SET: variants seen among roughly 807,000 people sequenced by gnomAD.
SET encodes the protein SET nuclear proto-oncogene.
SET carries 4 observed loss-of-function variants against 39.0 expected under a neutral mutation model. The ratio of observed to expected loss-of-function variants is 0.10; its 90% CI spans 0.05 to 0.23. The LOEUF (loss-of-function observed/expected upper bound fraction) is 0.23, where lower values mean the gene tolerates loss of function less well. Among genes scored for constraint, SET ranks in the 10% least tolerant of loss-of-function variants. SET has a pLI of 1.00. For synonymous variants in SET, 114 were observed against 115.9 expected (o/e 0.98, Z 0.11); for missense variants, 137 against 329.7 (o/e 0.42, Z 4.53).
chr9:128,691,349 G>A (rs1861528743), intron 2 of SET, 122 bp downstream of exon 2: 1 of 686,134 alleles, frequency 1.5e-6, no homozygotes, highest in Non-Finnish European at 2.5e-6. Context: ...AACTTGGTTG[G>A]AAATACTTAT....
Position 128,693,905 on chromosome 9 carries a change from A to G in SET, c.673A>G (p.Met225Val), listed in dbSNP as rs1861632105. 1 of 1,598,836 alleles carries G rather than the reference A, an allele frequency of 6.3e-7. No homozygotes were observed. The highest frequency in any genetic ancestry group is 8.5e-7 in the Non-Finnish European group (1 of 1,171,288). The part of the protein sequence containing the change: ...NPLQYYLVPD[M>V]DDEEGEGEED... The stretch of plus-strand genomic sequence containing the variant: ...CTTTTTTTTTTTTAAGGTTCCCGAT[A>G]TGGATGATGAAGAAGGAGAAGGAGA... The change falls in exon 7 of 8, where the codon ATG (methionine) becomes GTG (valine). Residue 225 changes from methionine to valine, a missense_variant. Around this residue, in one of 3 missense-constraint regions of SET, gnomAD observed 44 missense variants for 63.0 expected, o/e 0.70. Coordinates refer to ENST00000322030, the MANE Select transcript of SET (RefSeq NM_003011.4).
At chr9:128,683,571 G>C, upstream of SET, 1 of 283,058 alleles carries the variant, frequency 3.5e-6, no homozygotes, top group Non-Finnish European at 6.7e-6. Context: ...TAGGCTGCGG[G>C]GGTTTCACGT....
upstream of SET, chr9:128,685,266 C>A (rs1485460503): frequency 7.1e-7 from 1 of 1,415,844 alleles, no homozygotes; most frequent in Admixed American, 1.9e-5. Flanking sequence ...AAATGGGATC[C>A]ACAGTACTGA....
At chr9:128,692,623 C>T (rs1240424321) in intron 3 of SET, 39 bp from the exon 4 acceptor site, 1 of 1,308,046 alleles carries the variant, frequency 7.6e-7, no homozygotes. Context: ...TAGTGTGTGC[C>T]TGTTGAAAAT....
intron 1 of SET, chr9:128,690,968 C>G: frequency 7.9e-6 from 5 of 634,288 alleles, no homozygotes; most frequent in Non-Finnish European, 1.4e-5. Flanking sequence ...CTGAGTAAAC[C>G]AGCAGACAGC....
In SET at chr9:128,696,247, ATG is replaced by A. The variant is rs1392474921; in HGVS notation, c.*1584_*1585del. Reference sequence around the variant, plus strand: ...CTTTTTGATGTATAAAACTTGATAAATGGAACTATTCCATCAATAGGCAAAAG... The same window carrying A: ...CTTTTTGATGTATAAAACTTGATAAAGAACTATTCCATCAATAGGCAAAAG... On this transcript the variant is annotated 3_prime_UTR_variant, in exon 8 of 8. Transcript: ENST00000322030. The A allele has an allele frequency of 8.4e-5, 17 of 203,014 alleles. No homozygotes were observed. Among genetic ancestry groups the A allele is most frequent in the Non-Finnish European group, 9.2e-5 (9 of 97,592 alleles). 12.6% of individuals were successfully genotyped at this position (203,014 alleles called of 1,614,324 possible).
chr9:128,694,610 C>T (rs1214971641), intron 7 of SET, 31 bp from the exon 8 acceptor site: 21 of 1,529,448 alleles, frequency 1.4e-5, no homozygotes, highest in Non-Finnish European at 1.4e-5. Context: ...AGCATTAATC[C>T]TGAAGATTAA....
chr9:128,689,169 G>T, upstream of SET: 1 of 709,326 alleles, frequency 1.4e-6, no homozygotes, highest in Non-Finnish European at 1.7e-6. Flanking sequence ...AGCCTCCCCG[G>T]CCGGAGGCGG....
In SET at chr9:128,689,252, G is replaced by A. The variant is rs1861402202; in HGVS notation, c.-331G>A. Reference sequence around the variant, plus strand: ...GCCGTAGGAGGAGGTGGAGGAGGAGGCGGCTCGGGAGAGCGAGCAGCGAGC... The same window carrying A: ...GCCGTAGGAGGAGGTGGAGGAGGAGACGGCTCGGGAGAGCGAGCAGCGAGC... On this transcript the variant is annotated 5_prime_UTR_variant, in exon 1 of 8. Coordinates refer to ENST00000322030, the MANE Select transcript of SET (RefSeq NM_003011.4). 5.0e-6 allele frequency: 5 copies of A among 1,003,404 alleles called. No individual in the cohort carries two copies. Among genetic ancestry groups the A allele is most frequent in the Non-Finnish European group, 5.9e-6 (5 of 841,128 alleles). 62.2% of individuals were successfully genotyped at this position (1,003,404 alleles called of 1,614,324 possible).
intron 4 of SET, 42 bp downstream of exon 4, chr9:128,692,807 T>A (rs748941077): frequency 5.3e-6 from 8 of 1,523,712 alleles, no homozygotes; most frequent in South Asian, 1.1e-5. Flanking sequence ...CTGTGGAAAT[T>A]AATGTGAGCT....
In SET at chr9:128,689,261, G is replaced by A. The variant is rs1020548956; in HGVS notation, c.-322G>A. 171 of 1,006,446 alleles carry A rather than the reference G, an allele frequency of 1.7e-4. No individual in the cohort carries two copies. The highest frequency in any genetic ancestry group is 1.4e-3 in the Middle Eastern group (3 of 2,084). The allele number at this position is 1,006,446 out of a possible 1,614,324, so 62.3% of individuals were successfully genotyped here. ...GGAGGTGGAGGAGGAGGCGGCTCGG[G>A]AGAGCGAGCAGCGAGCTGGCTGGAT... On this transcript the variant is annotated 5_prime_UTR_variant, in exon 1 of 8. Transcript: ENST00000322030.
At chr9:128,689,724 C>T (rs1417145971) in intron 1 of SET, 69 bp downstream of exon 1, 13 of 290,766 alleles carry the variant, frequency 4.5e-5, no homozygotes, top group South Asian at 2.5e-4. Flanking sequence ...CCGCAGGCCG[C>T]CGGCGGGGCC....
upstream of SET, chr9:128,685,349 G>C: frequency 1.4e-6 from 1 of 718,306 alleles, no homozygotes. Flanking sequence ...CAGTGCTCTA[G>C]AGTGCATTTG....
intron 7 of SET, among the ~76,000 whole-genome samples, 164 bp from the exon 8 acceptor site, chr9:128,694,477 A>AT (rs1372355727): frequency 7.9e-5 from 12 of 152,332 alleles, no homozygotes; most frequent in African/African-American, 2.6e-4. Flanking sequence ...GAAGTTACTA[A>AT]TTAATCTGAA....
At position 128,693,654 on chromosome 9, in the gene SET, C is replaced by T. The variant is rs142648600; in HGVS notation, c.509C>T (p.Ser170Leu). 9 of 1,611,582 alleles carry T rather than the reference C, an allele frequency of 5.6e-6. No individual in the cohort carries two copies. Among genetic ancestry groups the T allele is most frequent in the Admixed American group, 5.1e-5 (3 of 59,332 alleles). ...TTCATTTAGGATTTGACGAAACGTT[C>T]GAGTCAAACGCAGAATAAAGCCAGC... ...WKSGKDLTKRSSQTQNKASRK... is the reference protein window; with the variant it reads ...WKSGKDLTKRLSQTQNKASRK... Residue 170 changes from serine to leucine, a missense_variant, in exon 6 of 8, where the codon TCG becomes TTG. Physicochemically the swap from Ser to Leu is moderately radical, Grantham distance 145. Coordinates refer to ENST00000322030, the MANE Select transcript of SET (RefSeq NM_003011.4).
rs748352799 is a variant in SET at position 128,689,565 on chromosome 9, C to T, written c.-18C>T. ...TCTCTCCCCCTCCCCGCTCCCCCCC[C>T]GACCGCGGAGCAGCACCATGTCGGC... On this transcript the variant is annotated 5_prime_UTR_variant, in exon 1 of 8. Transcript: ENST00000322030. 1.3e-5 allele frequency: 17 copies of T among 1,344,700 alleles called. No homozygotes were observed. In the East Asian group the frequency reaches 5.2e-4, roughly 41 times the overall value. The allele number at this position is 1,344,700 out of a possible 1,614,324, so 83.3% of individuals were successfully genotyped here.
In SET at chr9:128,694,625, C is replaced by G; in HGVS notation, c.811-16C>G. The G allele has an allele frequency of 1.3e-6, 2 of 1,564,378 alleles. No individual in the cohort carries two copies. The highest frequency in any genetic ancestry group is 1.7e-6 in the Non-Finnish European group (2 of 1,147,400). On this transcript the variant is annotated splice_polypyrimidine_tract_variant and intron_variant, in intron 7 of 7. Transcript: ENST00000322030. ...AGCATTAATCCTGAAGATTAACTGCCCACTTTTTCTTTCAGGAGGATGAAG... is the reference window on the plus strand; with the variant it reads ...AGCATTAATCCTGAAGATTAACTGCGCACTTTTTCTTTCAGGAGGATGAAG...
upstream of SET, chr9:128,685,027 A>G (rs1861237997): frequency 1.3e-6 from 2 of 1,481,804 alleles, no homozygotes; most frequent in Admixed American, 4.8e-5. Context: ...GGATAGGCCC[A>G]GGGCCTGCAA....
upstream of SET, among the ~76,000 whole-genome samples, chr9:128,686,766 G>GT (rs775439349): frequency 1.1e-3 from 168 of 152,120 alleles, 1 homozygote; most frequent in Non-Finnish European, 1.4e-3. Context: ...GAGCTCAGGA[G>GT]TTTGAGACCA....
Sources: allele counts gnomAD v4.1 joint callset (sites outside exome capture counted in the v4.1 genomes callset), GRCh38; gene constraint gnomAD v4.1.1; regional missense constraint gnomAD v4.1.1; transcripts MANE v1.5; gene names NCBI Gene and HGNC (gene_info 2026-07-23, HGNC 2026-07-21).